Variants in HCRTR2 observed in about 807,000 individuals in gnomAD.
The protein encoded by HCRTR2 is orexin receptor type 2.
HCRTR2 carries 22 observed loss-of-function variants against 49.0 expected under a neutral mutation model. The observed-to-expected ratio is 0.45, with a 90% confidence interval of 0.32 to 0.64. The LOEUF (loss-of-function observed/expected upper bound fraction) is 0.64. Ranked by LOEUF, HCRTR2 falls within the 30% of genes least tolerant of loss-of-function variation. The pLI, the probability that HCRTR2 is intolerant of heterozygous loss-of-function variation, is 0.04. For missense variants in HCRTR2, 491 were observed against 559.4 expected (o/e 0.88, Z 1.23); for synonymous variants, 236 against 205.3 (o/e 1.15, Z -1.28).
intron 1 of HCRTR2, among the ~76,000 whole-genome samples, chr6:55,136,696 C>T (rs2127250696): frequency 6.6e-6 from 1 of 152,218 alleles, no homozygotes; most frequent in South Asian, 2.1e-4. Context: ...TCTCCTGCAT[C>T]CAATTCCTGT....
At chr6:55,175,742 G>T (rs1370060604) in intron 1 of HCRTR2, among the ~76,000 whole-genome samples, 4 of 152,076 alleles carry the variant, frequency 2.6e-5, no homozygotes, top group Non-Finnish European at 1.5e-5. Flanking sequence ...CATGGTGAGT[G>T]CGATGATGGA....
chr6:55,261,090 A>C (rs1335433640), intron 3 of HCRTR2, among the ~76,000 whole-genome samples: 1 of 152,218 alleles, frequency 6.6e-6, no homozygotes, highest in Non-Finnish European at 1.5e-5. Flanking sequence ...AATTATAATG[A>C]GTTAATTACA....
intron 1 of HCRTR2, among the ~76,000 whole-genome samples, chr6:55,222,918 C>T (rs1375048280): frequency 6.6e-6 from 1 of 151,982 alleles, no homozygotes; most frequent in African/African-American, 2.4e-5. Context: ...GTGTTAGGTC[C>T]ATGTTATGTG....
At chr6:55,163,806 A>C (rs6915245) in intron 1 of HCRTR2, among the ~76,000 whole-genome samples, 11,192 of 152,232 alleles carry the variant, frequency 0.074, 1,325 homozygotes, top group East Asian at 0.48. Context: ...GAGCTTCTGC[A>C]CAGCAAAAGA....
At chr6:55,226,266 A>AC (rs1231142314) in intron 1 of HCRTR2, among the ~76,000 whole-genome samples, 1 of 152,168 alleles carries the variant, frequency 6.6e-6, no homozygotes, top group East Asian at 1.9e-4. Context: ...TAGTGCTCTG[A>AC]AGTGCTTCCT....
chr6:55,150,735 A>G (rs189828871), intron 1 of HCRTR2, among the ~76,000 whole-genome samples: 2 of 152,050 alleles, frequency 1.3e-5, no homozygotes, highest in East Asian at 3.9e-4. Flanking sequence ...CCATTTTTCT[A>G]TTGATGGAAA....
chr6:55,109,423 CAAG>C (rs1352518191), intron 1 of HCRTR2, among the ~76,000 whole-genome samples: 1 of 151,716 alleles, frequency 6.6e-6, no homozygotes, highest in Non-Finnish European at 1.5e-5. Context: ...TTAAGCTACT[CAAG>C]GAGGCACCAG....
intron 1 of HCRTR2, among the ~76,000 whole-genome samples, chr6:55,212,383 G>C (rs1416123287): frequency 6.6e-6 from 1 of 152,154 alleles, no homozygotes; most frequent in Non-Finnish European, 1.5e-5. Context: ...TCAGAAATGA[G>C]TCATGATTTT....
intron 1 of HCRTR2, among the ~76,000 whole-genome samples, chr6:55,204,607 A>G (rs773864080): frequency 6.6e-6 from 1 of 152,174 alleles, no homozygotes; most frequent in Non-Finnish European, 1.5e-5. Context: ...CACTCTTTAT[A>G]TATTTTGAAG....
intron 1 of HCRTR2, among the ~76,000 whole-genome samples, chr6:55,134,469 T>C (rs1178004919): frequency 2.6e-5 from 4 of 152,058 alleles, no homozygotes; most frequent in Middle Eastern, 3.4e-3. Context: ...TGTGTGTGTG[T>C]GTATGTATAG....
intron 1 of HCRTR2, among the ~76,000 whole-genome samples, chr6:55,107,911 A>G (rs564415701): frequency 2.0e-5 from 3 of 152,126 alleles, no homozygotes; most frequent in Admixed American, 1.3e-4. Context: ...ACCCTTCATA[A>G]TTTTGTGCAT....
intron 1 of HCRTR2, among the ~76,000 whole-genome samples, chr6:55,117,659 G>GT (rs1229510252): frequency 6.6e-6 from 1 of 150,696 alleles, no homozygotes; most frequent in African/African-American, 2.4e-5. Flanking sequence ...AATTGCACCT[G>GT]TTGTAATTAT....
At chr6:55,223,720 C>A (rs1429983750) in intron 1 of HCRTR2, among the ~76,000 whole-genome samples, 1 of 151,848 alleles carries the variant, frequency 6.6e-6, no homozygotes, top group Non-Finnish European at 1.5e-5. Flanking sequence ...TTAGGTTAAA[C>A]TGTAGGTTGA....
rs534955922 is a variant in HCRTR2, at chr6:55,237,883, A to T, written c.224-10756A>T. On this transcript the variant is annotated intron_variant, in intron 1 of 6. Coordinates refer to ENST00000370862, the MANE Select transcript of HCRTR2 (RefSeq NM_001384272.1). ...CACTTTCTGGATATTCTCAACCAGG[A>T]GTATGTGGTTGAAACTGCACAGTTT... 2.0e-5 allele frequency among the ~76,000 whole-genome samples: 3 copies of T among 152,192 alleles called. No homozygotes were observed. In the East Asian group the frequency reaches 5.8e-4, roughly 29 times the overall value.
At chr6:55,231,645 A>G (rs978206617) in intron 1 of HCRTR2, among the ~76,000 whole-genome samples, 1 of 152,134 alleles carries the variant, frequency 6.6e-6, no homozygotes, top group African/African-American at 2.4e-5. Flanking sequence ...CCATCCAAAA[A>G]ATTGAGTGAA....
intron 1 of HCRTR2, among the ~76,000 whole-genome samples, chr6:55,197,888 T>C (rs1765446384): frequency 6.6e-6 from 1 of 152,178 alleles, no homozygotes; most frequent in South Asian, 2.1e-4. Context: ...CCCAAAGTGC[T>C]GGGATTACAG....
chr6:55,122,250 T>A (rs2127238423), intron 1 of HCRTR2, among the ~76,000 whole-genome samples: 1 of 152,320 alleles, frequency 6.6e-6, no homozygotes, highest in South Asian at 2.1e-4. Context: ...TTTATTTGCA[T>A]AGAGGTGTTT....
intron 1 of HCRTR2, among the ~76,000 whole-genome samples, chr6:55,202,904 G>A (rs957148661): frequency 3.3e-5 from 5 of 152,066 alleles, no homozygotes; most frequent in African/African-American, 7.2e-5. Context: ...GCCACCCAAC[G>A]CACACATCCC....
chr6:55,159,585 C>T (rs1009714361), intron 1 of HCRTR2, among the ~76,000 whole-genome samples: 1 of 152,094 alleles, frequency 6.6e-6, no homozygotes, highest in African/African-American at 2.4e-5. Context: ...AGCTAAGAAC[C>T]TTGAAAAATG....
Sources: allele counts gnomAD v4.1 joint callset (sites outside exome capture counted in the v4.1 genomes callset), GRCh38; gene constraint gnomAD v4.1.1; transcripts MANE v1.5; gene names NCBI Gene and HGNC (gene_info 2026-07-23, HGNC 2026-07-21).